LYPD4: variants seen among roughly 807,000 people sequenced by gnomAD.
The protein encoded by LYPD4 is LY6/PLAUR domain containing 4, also known as ly6/PLAUR domain-containing protein 4.
A neutral mutation model predicts 18.2 loss-of-function variants in LYPD4; 20 were observed. That is an observed-to-expected ratio of 1.10 (90% CI 0.77 to 1.59). LYPD4 has a LOEUF of 1.59. Ranked by LOEUF, LYPD4 falls within the 40% of genes most tolerant of loss-of-function variation. The pLI, the probability that LYPD4 is intolerant of heterozygous loss-of-function variation, is 0.00. For synonymous variants in LYPD4, 111 were observed against 118.3 expected, an observed-to-expected ratio of 0.94 and a Z score of 0.40; for missense variants, 278 against 300.3, an observed-to-expected ratio of 0.93 and a Z score of 0.55.
At chr19:41,840,076 GAATAAT>G (rs2073528744) in intron 1 of LYPD4, among the ~76,000 whole-genome samples, 1 of 151,156 alleles carries the variant, frequency 6.6e-6, no homozygotes, top group African/African-American at 2.4e-5. Flanking sequence ...ATTTAGAACT[GAATAAT>G]AATAAACATA....
chr19:41,842,488 T>G (rs1435635563), intron 1 of LYPD4, among the ~76,000 whole-genome samples: 2 of 151,950 alleles, frequency 1.3e-5, no homozygotes, highest in Non-Finnish European at 2.9e-5. Flanking sequence ...CAGGGTACAG[T>G]GGCTCACGCC....
chr19:41,837,953 T>C lies in LYPD4; in HGVS notation c.520A>G (p.Thr174Ala), dbSNP rs1484287174. ...PLAASTCYSS[T>A]LKFQAGFLNT... The stretch of plus-strand genomic sequence containing the variant: ...CTCTCACCTGCCTGAAATTTTAAGG[T>C]GGAACTGTAACACGTAGAAGCAGCC... The change falls in exon 4 of 5, where the codon ACC becomes GCC. Residue 174 changes from threonine to alanine, a missense_variant. Transcript: ENST00000609812. The C allele has an allele frequency of 6.8e-6, 11 of 1,608,542 alleles. No individual in the cohort carries two copies. Among genetic ancestry groups the C allele is most frequent in the Non-Finnish European group, 9.4e-6 (11 of 1,176,326 alleles).
intron 1 of LYPD4, 113 bp from the exon 2 acceptor site, chr19:41,839,518 C>T: frequency 1.8e-6 from 1 of 555,970 alleles, no homozygotes; most frequent in Non-Finnish European, 3.2e-6. Flanking sequence ...CTGCACCATC[C>T]ACCATCTTAG....
downstream of LYPD4, among the ~76,000 whole-genome samples, chr19:41,836,269 C>T (rs1296035958): frequency 8.8e-6 from 1 of 113,472 alleles, no homozygotes; most frequent in Admixed American, 1.0e-4. Context: ...TTCCTCTCTC[C>T]CCTATTTGCC....
intron 1 of LYPD4, among the ~76,000 whole-genome samples, chr19:41,839,955 A>T (rs1449407787): frequency 6.6e-6 from 1 of 151,960 alleles, no homozygotes; most frequent in Non-Finnish European, 1.5e-5. Flanking sequence ...AGGCTGAAGC[A>T]TGAGAATCGC....
chr19:41,843,059 AAAAAAAAAAAAAAAAAAAC>A lies in LYPD4; in HGVS notation c.-121+500_-121+518del, dbSNP rs2073682295. Among the ~76,000 whole-genome samples the A allele has an allele frequency of 6.2e-4, 34 of 54,434 alleles. 1 individual carries two copies. Among genetic ancestry groups the A allele is most frequent in the Admixed American group, 1.6e-3 (7 of 4,374 alleles). The allele number at this position is 54,434 out of a possible 152,430, so 35.7% of individuals were successfully genotyped here. ...AAAAAAAAAAAAAAAAAAAAAAAAAAAAAAAAAAAAAAAAAAAACCCCAACAACAACACTACACACATCC... is the reference window on the plus strand; with the variant it reads ...AAAAAAAAAAAAAAAAAAAAAAAAAACCCAACAACAACACTACACACATCC... On this transcript the variant is annotated intron_variant, in intron 1 of 4. Coordinates refer to ENST00000609812, the MANE Select transcript of LYPD4 (RefSeq NM_173506.7).
chr19:41,838,274 G>A lies in LYPD4; in HGVS notation c.212-13C>T. 1 of 1,514,456 alleles carries A rather than the reference G, an allele frequency of 6.6e-7. No individual in the cohort carries two copies. The allele number at this position is 1,514,456 out of a possible 1,614,324, so 93.8% of individuals were successfully genotyped here. A position where few individuals can be genotyped will look rare whatever the true frequency, so the allele number is the denominator to read the frequency against. ...CCCCTTGCAGTCCCTGAGGAGCAGA[G>A]GATTGAGAGAGCTCAGATCAGTGTC... On this transcript the variant is annotated splice_polypyrimidine_tract_variant and intron_variant, in intron 3 of 4. Transcript: ENST00000609812.
chr19:41,838,438 G>C (rs1210141319), intron 3 of LYPD4, among the ~76,000 whole-genome samples, 177 bp from the exon 4 acceptor site: 1 of 151,854 alleles, frequency 6.6e-6, no homozygotes, highest in African/African-American at 2.4e-5. Context: ...TCTCCATCTG[G>C]ATCTCCTCAT....
chr19:41,838,957 C>A lies in LYPD4; in HGVS notation c.135G>T (p.Trp45Cys). 1 of 1,613,970 alleles carries A rather than the reference C, an allele frequency of 6.2e-7. No individual in the cohort carries two copies. The change falls in exon 3 of 5, where the codon TGG becomes TGT. Residue 45 changes from tryptophan (W) to cysteine (C), a missense_variant. Trp to Cys is a radical substitution (Grantham distance 215). Transcript: ENST00000609812. ...CCATGTTCCTCATCAGAAGCCACTT[C>A]CAGTTATGGAAAGCAACAGCTCTGA... ...SRFRAVAFHNWKWLLMRNMVC... is the reference protein window; with the variant it reads ...SRFRAVAFHNCKWLLMRNMVC...
chr19:41,844,223 G>C lies in LYPD4; in HGVS notation c.-766C>G, dbSNP rs2073758413. ...ACCCAGAGAAGGCGACGATTACACA[G>C]AGGAGCCCCCAGAGGGGCGAACTCT... On this transcript the variant is annotated 5_prime_UTR_variant, in exon 1 of 5. Coordinates refer to ENST00000609812, the MANE Select transcript of LYPD4 (RefSeq NM_173506.7). 1 of 152,348 alleles carries C rather than the reference G, an allele frequency of 6.6e-6. No homozygotes were observed. Among genetic ancestry groups the C allele is most frequent in the Non-Finnish European group, 1.5e-5 (1 of 68,132 alleles). 9.4% of individuals were successfully genotyped at this position (152,348 alleles called of 1,614,324 possible).
At chr19:41,839,497 T>C in intron 1 of LYPD4, 92 bp from the exon 2 acceptor site, 1 of 595,834 alleles carries the variant, frequency 1.7e-6, no homozygotes, top group Non-Finnish European at 3.0e-6. Flanking sequence ...CTGTCTGCCC[T>C]CCAGTCTAAC....
At position 41,838,239 on chromosome 19, in the gene LYPD4, G is replaced by T. The variant is rs782760926; in HGVS notation, c.234C>A (p.Gly78=). 2 of 1,535,464 alleles carry T rather than the reference G, an allele frequency of 1.3e-6. No individual in the cohort carries two copies. Among genetic ancestry groups the T allele is most frequent in the South Asian group, 2.6e-5 (2 of 78,372 alleles). ...IETGTARGVV[G]FKGCSSSSSY... is the part of the protein sequence containing the mutation. The stretch of plus-strand genomic sequence containing the variant: ...ACGAAGACGAGCTGCAGCCTTTAAA[G>T]CCCACGACTCCCCTTGCAGTCCCTG... The change falls in exon 4 of 5, where the codon GGC becomes GGA. Residue 78 remains glycine (G), a synonymous_variant. Transcript: ENST00000609812.
At chr19:41,837,906 T>C in intron 4 of LYPD4, 29 bp downstream of exon 4, 1 of 1,565,882 alleles carries the variant, frequency 6.4e-7, no homozygotes, top group Non-Finnish European at 8.7e-7. Flanking sequence ...AGAGTAGGCA[T>C]TTGATAAACA....
At chr19:41,835,985 T>C (rs1419151294), downstream of LYPD4, 2 of 200,538 alleles carry the variant, frequency 1.0e-5, no homozygotes, top group Non-Finnish European at 1.8e-5. Flanking sequence ...CCTCTAAACC[T>C]CACAAGATAG....
downstream of LYPD4, chr19:41,835,861 C>T (rs782419816): frequency 1.0e-6 from 1 of 983,136 alleles, no homozygotes; most frequent in Non-Finnish European, 1.2e-6. Context: ...GTGTCCTCGC[C>T]TGTAAAATGC....
At chr19:41,841,168 A>C (rs2073575554) in intron 1 of LYPD4, among the ~76,000 whole-genome samples, 1 of 152,172 alleles carries the variant, frequency 6.6e-6, no homozygotes, top group Non-Finnish European at 1.5e-5. Flanking sequence ...ACAGTGGCTC[A>C]TGCCTCTAAT....
Position 41,841,430 on chromosome 19 carries a change from T to C in LYPD4, c.-120-2025A>G, listed in dbSNP as rs1251080589. On this transcript the variant is annotated intron_variant, in intron 1 of 4. Transcript: ENST00000609812. ...TACTCAGGAGGCTAATGTTGAAGGA[T>C]TGCTTTAGCCTCAAATCACAAGGTC... Among the ~76,000 whole-genome samples the C allele has an allele frequency of 4.0e-5, 6 of 151,398 alleles. No individual in the cohort carries two copies. In the East Asian group the frequency reaches 9.7e-4, roughly 25 times the overall value.
At chr19:41,836,326 A>AAAAAAAAAAAC (rs2073373711), downstream of LYPD4, among the ~76,000 whole-genome samples, 2 of 133,582 alleles carry the variant, frequency 1.5e-5, no homozygotes, top group African/African-American at 2.8e-5. Flanking sequence ...AAAAAAAAAA[A>AAAAAAAAAAAC]ACAACTACTG....
At chr19:41,835,859 G>A (rs1054074034), downstream of LYPD4, 122 of 983,986 alleles carry the variant, frequency 1.2e-4, no homozygotes, top group African/African-American at 2.6e-4. Context: ...CTGTGTCCTC[G>A]CCTGTAAAAT....
Sources: allele counts gnomAD v4.1 joint callset (sites outside exome capture counted in the v4.1 genomes callset), GRCh38; gene constraint gnomAD v4.1.1; transcripts MANE v1.5; gene names NCBI Gene and HGNC (gene_info 2026-07-23, HGNC 2026-07-21).